Variants in BCL6 observed in about 807,000 individuals in gnomAD.
The protein encoded by BCL6 is BCL6 transcription repressor, also known as B-cell lymphoma 6 protein.
In BCL6, 7 loss-of-function variants were observed where a neutral mutation model predicts 59.5. That is an observed-to-expected ratio of 0.12 (90% confidence interval 0.07 to 0.22). BCL6 has a LOEUF of 0.22. Ranked by LOEUF, BCL6 falls within the 10% of genes least tolerant of loss-of-function variation. BCL6 has a pLI of 1.00. For synonymous variants in BCL6, 339 were observed against 349.7 expected (o/e 0.97, Z 0.34); for missense variants, 685 against 939.4 (o/e 0.73, Z 3.54).
chr3:187,744,868 CAG>C (rs1711833835), intron 1 of BCL6, among the ~76,000 whole-genome samples: 2 of 152,102 alleles, frequency 1.3e-5, no homozygotes, highest in African/African-American at 4.8e-5. Flanking sequence ...CGCACGAATC[CAG>C]AGAGATCACA....
chr3:187,744,896 G>T (rs530432942), intron 1 of BCL6, among the ~76,000 whole-genome samples: 5 of 152,190 alleles, frequency 3.3e-5, no homozygotes, highest in East Asian at 1.9e-4. Flanking sequence ...TACGCAAGCA[G>T]CAGCAGAAAG....
At chr3:187,739,681 G>T (rs1269575602) in intron 1 of BCL6, among the ~76,000 whole-genome samples, 2 of 152,124 alleles carry the variant, frequency 1.3e-5, no homozygotes. Context: ...TTCCCCATAC[G>T]CTCAGCGCGA....
intron 6 of BCL6, among the ~76,000 whole-genome samples, chr3:187,727,868 A>G (rs1404933156): frequency 2.0e-5 from 3 of 152,198 alleles, no homozygotes. Flanking sequence ...CTGCAATTTA[A>G]TAATTCTCTT....
rs201068277 is a variant in BCL6, at chr3:187,725,462, C to T, written c.1839+37G>A. The stretch of plus-strand genomic sequence containing the variant: ...CCTCCGCTCGCCTGCCCGCTCCGCT[C>T]GCCTGCCCGCTCCGCTCGCCTGCCC... On this transcript the variant is annotated intron_variant, in intron 8 of 9. Transcript: ENST00000406870. The surrounding 1 kb of genome is among the most constrained non-coding windows in gnomAD (Gnocchi z 4.7). 7.1e-4 allele frequency: 884 copies of T among 1,238,852 alleles called. 1 individual carries two copies. Among genetic ancestry groups the T allele is most frequent in the Non-Finnish European group, 9.0e-4 (811 of 904,936 alleles). The allele number at this position is 1,238,852 out of a possible 1,614,324, so 76.7% of individuals were successfully genotyped here.
At chr3:187,731,452 G>A (rs112381695) in intron 4 of BCL6, among the ~76,000 whole-genome samples, 25 of 152,108 alleles carry the variant, frequency 1.6e-4, no homozygotes, top group African/African-American at 5.8e-4. Flanking sequence ...TTGCAGGATG[G>A]GTGGGAGGAG....
chr3:187,737,383 GA>G (rs1719337700), intron 1 of BCL6: 1 of 140,482 alleles, frequency 7.1e-6, no homozygotes, highest in Non-Finnish European at 1.6e-5. Flanking sequence ...GAGAGAGAGA[GA>G]GAGAGAGAGA....
At chr3:187,736,913 C>T (rs1719306204) in intron 1 of BCL6, 2 of 152,166 alleles carry the variant, frequency 1.3e-5, no homozygotes, top group African/African-American at 4.8e-5. Flanking sequence ...TTATAACAGC[C>T]CTGCTTTATT....
chr3:187,737,643 C>T lies in BCL6; in HGVS notation c.-49-2736G>A, dbSNP rs369705882. 3.9e-5 allele frequency: 6 copies of T among 152,644 alleles called. No individual in the cohort carries two copies. The East Asian group carries it at 1.2e-3, about 29-fold the overall frequency. 9.5% of individuals were successfully genotyped at this position (152,644 alleles called of 1,614,324 possible). A position where few individuals can be genotyped will look rare whatever the true frequency, so the allele number is the denominator to read the frequency against. On this transcript the variant is annotated intron_variant, in intron 1 of 9. Transcript: ENST00000406870. ...CCCCTGGGCGATCCACCTCGAAGCC[C>T]CCCGCAAGGCGCGACGGAGGCTTTG...
Position 187,731,930 on chromosome 3 carries a change from A to G in BCL6, c.162T>C (p.Ser54=), listed in dbSNP as rs1408762172. 1.2e-6 allele frequency: 2 copies of G among 1,611,032 alleles called. No homozygotes were observed. Among genetic ancestry groups the G allele is most frequent in the Non-Finnish European group, 1.7e-6 (2 of 1,177,210 alleles). ...RAHKTVLMAC[S]GLFYSIFTDQ... ...CTGTAAAGATGCTATAGAACAGGCC[A>G]CTGTAAAACAAACAAATGTCCCACT... The change falls in exon 4 of 10, where the codon AGT becomes AGC. Residue 54 remains serine, a splice_region_variant and synonymous_variant. Transcript: ENST00000406870.
At chr3:187,744,549 T>A (rs139122438) in intron 1 of BCL6, among the ~76,000 whole-genome samples, 17 of 152,138 alleles carry the variant, frequency 1.1e-4, no homozygotes, top group South Asian at 4.2e-4. Flanking sequence ...GTAGACACGA[T>A]ACTTCATCTC....
intron 1 of BCL6, among the ~76,000 whole-genome samples, chr3:187,738,646 C>T (rs1719400153): frequency 6.6e-6 from 1 of 152,120 alleles, no homozygotes; most frequent in African/African-American, 2.4e-5. Flanking sequence ...TAGCAGGCTC[C>T]GGGGTGCGCT....
intron 5 of BCL6, 125 bp downstream of exon 5, chr3:187,728,925 T>A: frequency 7.6e-7 from 1 of 1,308,954 alleles, no homozygotes; most frequent in Non-Finnish European, 1.0e-6. Context: ...TCAGACTAAC[T>A]CAATCTATAG....
At position 187,722,208 on chromosome 3, in the gene BCL6, T is replaced by C. The variant is rs184154803; in HGVS notation, c.*250A>G. ...AAAATGATTTTGCTTTTTGCTGACA[T>C]GGTTCACCTTACACATAGGAGAAGA... On this transcript the variant is annotated 3_prime_UTR_variant, in exon 10 of 10. Transcript: ENST00000406870. The C allele has an allele frequency of 1.7e-4, 65 of 392,262 alleles. No individual in the cohort carries two copies. Among genetic ancestry groups the C allele is most frequent in the Non-Finnish European group, 2.2e-4 (49 of 224,778 alleles). 24.3% of individuals were successfully genotyped at this position (392,262 alleles called of 1,614,324 possible). A position where few individuals can be genotyped will look rare whatever the true frequency, so the allele number is the denominator to read the frequency against.
intron 6 of BCL6, among the ~76,000 whole-genome samples, chr3:187,727,682 G>A (rs1418630788): frequency 6.6e-6 from 1 of 152,184 alleles, no homozygotes; most frequent in Non-Finnish European, 1.5e-5. Flanking sequence ...AAATCTCTTG[G>A]TGTAAGCAGC....
At chr3:187,744,361 TCTC>T (rs1423161707) in intron 1 of BCL6, among the ~76,000 whole-genome samples, 1 of 143,324 alleles carries the variant, frequency 7.0e-6, no homozygotes, top group Non-Finnish European at 1.5e-5. Context: ...CATCAGTCTC[TCTC>T]CTCGGGATGA....
At position 187,725,440 on chromosome 3, in the gene BCL6, C is replaced by A. The variant is rs1718637759; in HGVS notation, c.1839+59G>T. On this transcript the variant is annotated intron_variant, in intron 8 of 9. Coordinates refer to ENST00000406870, the MANE Select transcript of BCL6 (RefSeq NM_001706.5). This position sits in a 1 kb window ranked among gnomAD's most constrained non-coding sequence, Gnocchi z 4.7. ...CTCCTCCGCTTGCCTGCCCACTCCT[C>A]CGCTCGCCTGCCCGCTCCGCTCGCC... 2 of 1,548,184 alleles carry A rather than the reference C, an allele frequency of 1.3e-6. No individual in the cohort carries two copies. The highest frequency in any genetic ancestry group is 3.6e-5 in the African/African-American group (2 of 54,842).
Position 187,725,426 on chromosome 3 carries a change from G to A in BCL6, c.1839+73C>T, listed in dbSNP as rs2108557228. 1.3e-6 allele frequency: 2 copies of A among 1,578,980 alleles called. No individual in the cohort carries two copies. Among genetic ancestry groups the A allele is most frequent in the Non-Finnish European group, 8.6e-7 (1 of 1,162,108 alleles). On this transcript the variant is annotated intron_variant, in intron 8 of 9. Transcript: ENST00000406870. The surrounding 1 kb of genome is among the most constrained non-coding windows in gnomAD (Gnocchi z 4.7). ...CACTTGCCTGCCCACTCCTCCGCTTGCCTGCCCACTCCTCCGCTCGCCTGC... is the reference window on the plus strand; with the variant it reads ...CACTTGCCTGCCCACTCCTCCGCTTACCTGCCCACTCCTCCGCTCGCCTGC...
chr3:187,743,536 TA>T lies in BCL6; in HGVS notation c.-50+1873del, dbSNP rs200995451. 7.5e-3 allele frequency among the ~76,000 whole-genome samples: 1,141 copies of T among 152,256 alleles called. 20 individuals carry two copies. The highest frequency in any genetic ancestry group is 0.055 in the East Asian group (283 of 5,168). ...CACAGAGGGTCTTTTTTCATTTTTT[TA>T]AAAAATCGGTTTGGTTGTGTTTTTG... On this transcript the variant is annotated intron_variant, in intron 1 of 9. Coordinates refer to ENST00000406870, the MANE Select transcript of BCL6 (RefSeq NM_001706.5).
chr3:187,731,856 T>C lies in BCL6; in HGVS notation c.236A>G (p.Asn79Ser), dbSNP rs771261860. Residue 79 changes from asparagine to serine, a missense_variant, in exon 4 of 10, where the codon AAC becomes AGC. By Grantham distance (46) the Asn-to-Ser change is conservative. Coordinates refer to ENST00000406870, the MANE Select transcript of BCL6 (RefSeq NM_001706.5). ...LSVINLDPEI[N>S]PEGFCILLDF... The stretch of plus-strand genomic sequence containing the variant: ...CAGGAGGATGCAGAATCCCTCAGGG[T>C]TGATCTCAGGATCTAGATTGATCAC... 2 of 1,614,150 alleles carry C rather than the reference T, an allele frequency of 1.2e-6. No homozygotes were observed. Among genetic ancestry groups the C allele is most frequent in the East Asian group, 2.2e-5 (1 of 44,876 alleles).
Sources: gnomAD v4.1 joint callset for allele counts (sites outside exome capture counted in the v4.1 genomes callset) on GRCh38, gnomAD v4.1.1 for gene constraint, Gnocchi (gnomAD v3.1) non-coding constraint, MANE v1.5 for transcripts, NCBI Gene and HGNC (gene_info 2026-07-23, HGNC 2026-07-21) for gene names.